The following FOXP1 variants were observed in gnomAD, a reference collection of about 807,000 sequenced individuals.
FOXP1 encodes the protein forkhead box P1.
FOXP1 carries 15 observed loss-of-function variants against 98.2 expected under a neutral mutation model. The ratio of observed to expected loss-of-function variants is 0.15; its 90% CI spans 0.10 to 0.24. The LOEUF (loss-of-function observed/expected upper bound fraction) is 0.24. Among genes scored for constraint, FOXP1 ranks in the 10% least tolerant of loss-of-function variants. The pLI, the probability that FOXP1 is intolerant of heterozygous loss-of-function variation, is 1.00. For synonymous variants in FOXP1, 371 were observed against 314.5 expected (o/e 1.18, Z -1.90); for missense variants, 633 against 848.5 (o/e 0.75, Z 3.15).
At chr3:71,235,522 G>A (rs2066695367) in intron 5 of FOXP1, among the ~76,000 whole-genome samples, 1 of 152,104 alleles carries the variant, frequency 6.6e-6, no homozygotes, top group Non-Finnish European at 1.5e-5. Flanking sequence ...ATAAGGCAGG[G>A]ATAAAATCAG....
intron 7 of FOXP1, among the ~76,000 whole-genome samples, chr3:71,070,029 T>C (rs182741162): frequency 3.9e-4 from 60 of 152,316 alleles, no homozygotes; most frequent in Admixed American, 1.6e-3. Flanking sequence ...TGTCAAAACC[T>C]TCTTTACGCC....
intron 20 of FOXP1, among the ~76,000 whole-genome samples, chr3:70,961,447 T>G (rs963758938): frequency 6.6e-6 from 1 of 151,638 alleles, no homozygotes; most frequent in African/African-American, 2.4e-5. Context: ...GTGAGGCTGG[T>G]CTTGAACTCC....
intron 5 of FOXP1, among the ~76,000 whole-genome samples, chr3:71,278,765 G>C (rs2071190619): frequency 6.6e-6 from 1 of 151,518 alleles, no homozygotes; most frequent in African/African-American, 2.4e-5. Context: ...CTGGGCGACA[G>C]AGCGAGACTC....
At chr3:71,515,433 CAA>C (rs35322006) in intron 2 of FOXP1, among the ~76,000 whole-genome samples, 36 of 96,974 alleles carry the variant, frequency 3.7e-4, no homozygotes, top group African/African-American at 8.5e-4. Flanking sequence ...ATTTACACAG[CAA>C]AAAAAAAAAA....
chr3:71,290,868 C>T (rs1025594656), intron 5 of FOXP1, among the ~76,000 whole-genome samples: 3 of 152,106 alleles, frequency 2.0e-5, no homozygotes, highest in African/African-American at 4.8e-5. Context: ...TCTGAAAGAT[C>T]CCAAATCAGA....
At chr3:71,038,679 T>G (rs2106818736) in intron 11 of FOXP1, among the ~76,000 whole-genome samples, 1 of 151,940 alleles carries the variant, frequency 6.6e-6, no homozygotes, top group Admixed American at 6.6e-5. Flanking sequence ...TTTTTTTAAT[T>G]AAGAGACAGG....
chr3:71,079,796 T>C (rs561269548), intron 7 of FOXP1, among the ~76,000 whole-genome samples: 64 of 152,224 alleles, frequency 4.2e-4, no homozygotes, highest in Non-Finnish European at 7.5e-4. Context: ...AGAGGCTTCA[T>C]TGACAAAGGT....
At chr3:71,312,370 T>G (rs1215303703) in intron 4 of FOXP1, among the ~76,000 whole-genome samples, 2 of 150,952 alleles carry the variant, frequency 1.3e-5, no homozygotes, top group African/African-American at 5.0e-5. Flanking sequence ...TTTTTTAAGC[T>G]AAGTATAAGT....
chr3:71,108,436 G>C (rs1395756340), intron 7 of FOXP1, among the ~76,000 whole-genome samples: 2 of 152,134 alleles, frequency 1.3e-5, no homozygotes, highest in Non-Finnish European at 2.9e-5. Flanking sequence ...TATTTCACTT[G>C]TTTAAGCAAT....
chr3:71,026,334 C>T (rs908600320), intron 11 of FOXP1, among the ~76,000 whole-genome samples: 3 of 152,164 alleles, frequency 2.0e-5, no homozygotes, highest in African/African-American at 7.2e-5. Flanking sequence ...TCAAACGACT[C>T]AAGTTTGGAA....
rs961811361 is a variant in FOXP1, at chr3:71,198,434, GA to G, written c.-11-43del. 519 of 604,858 alleles carry G rather than the reference GA, an allele frequency of 8.6e-4. 1 individual carries two copies. The highest frequency in any genetic ancestry group is 6.2e-3 in the Admixed American group (269 of 43,388). The allele number at this position is 604,858 out of a possible 1,614,324, so 37.5% of individuals were successfully genotyped here. On this transcript the variant is annotated intron_variant, in intron 5 of 20. Coordinates refer to ENST00000649528, the MANE Select transcript of FOXP1 (RefSeq NM_001349338.3). Reference sequence around the variant, plus strand: ...CAAGATGGGGGGAGGGAGGGGGGGAGAAAAAAAAAGCAGCTGTTAAAGCAGT... The same window carrying G: ...CAAGATGGGGGGAGGGAGGGGGGGAGAAAAAAAAGCAGCTGTTAAAGCAGT...
At chr3:71,285,289 G>A (rs1276954293) in intron 5 of FOXP1, among the ~76,000 whole-genome samples, 1 of 152,150 alleles carries the variant, frequency 6.6e-6, no homozygotes, top group Non-Finnish European at 1.5e-5. Flanking sequence ...TGAATCAGTC[G>A]CATAAGGATA....
At chr3:71,434,575 T>C (rs1321815596) in intron 3 of FOXP1, among the ~76,000 whole-genome samples, 2 of 151,954 alleles carry the variant, frequency 1.3e-5, no homozygotes, top group Non-Finnish European at 2.9e-5. Context: ...TGGGCACTCA[T>C]GTATATGAAA....
At chr3:71,413,857 C>T (rs1560451191) in intron 3 of FOXP1, among the ~76,000 whole-genome samples, 2 of 152,092 alleles carry the variant, frequency 1.3e-5, no homozygotes, top group African/African-American at 2.4e-5. Flanking sequence ...CCCTCGTTAC[C>T]TGTAGGCACT....
intron 2 of FOXP1, among the ~76,000 whole-genome samples, chr3:71,515,770 G>T (rs1387741312): frequency 6.6e-6 from 1 of 152,132 alleles, no homozygotes; most frequent in Non-Finnish European, 1.5e-5. Flanking sequence ...TTCAACATAA[G>T]CAAAAACACT....
At chr3:71,173,960 ATG>A (rs1468887879) in intron 6 of FOXP1, among the ~76,000 whole-genome samples, 1 of 152,232 alleles carries the variant, frequency 6.6e-6, no homozygotes, top group Non-Finnish European at 1.5e-5. Flanking sequence ...TTACAGTATC[ATG>A]TGATTAGCAG....
intron 5 of FOXP1, among the ~76,000 whole-genome samples, chr3:71,225,081 C>T (rs2065729695): frequency 6.6e-6 from 1 of 152,208 alleles, no homozygotes; most frequent in African/African-American, 2.4e-5. Context: ...ACTGAACAAG[C>T]AACATTGGAT....
chr3:71,120,686 T>A (rs569971596), intron 6 of FOXP1, among the ~76,000 whole-genome samples: 173 of 152,238 alleles, frequency 1.1e-3, no homozygotes, highest in African/African-American at 3.9e-3. Context: ...GGCAGTGTCA[T>A]CTCTGCGTGG....
At chr3:71,502,523 G>C (rs1196493047) in intron 2 of FOXP1, among the ~76,000 whole-genome samples, 7 of 152,164 alleles carry the variant, frequency 4.6e-5, no homozygotes, top group African/African-American at 1.7e-4. Flanking sequence ...TTCACAGCCT[G>C]TGGTAAACAA....
Sources: gnomAD v4.1 joint callset for allele counts (sites outside exome capture counted in the v4.1 genomes callset) on GRCh38, gnomAD v4.1.1 for gene constraint, MANE v1.5 for transcripts, NCBI Gene and HGNC (gene_info 2026-07-23, HGNC 2026-07-21) for gene names.